Variants in HNRNPC observed in about 807,000 individuals in gnomAD.
HNRNPC encodes heterogeneous nuclear ribonucleoproteins C1/C2.
A neutral mutation model predicts 33.2 loss-of-function variants in HNRNPC; 3 were observed. That is an observed-to-expected ratio of 0.09 (90% confidence interval 0.04 to 0.23). The LOEUF (loss-of-function observed/expected upper bound fraction) is 0.23, where lower values mean the gene tolerates loss of function less well. Among genes scored for constraint, HNRNPC ranks in the 10% least tolerant of loss-of-function variants. The pLI is 1.00. For synonymous variants in HNRNPC, 121 were observed against 126.7 expected (o/e 0.96, Z 0.30); for missense variants, 143 against 366.7 (o/e 0.39, Z 4.98).
intron 2 of HNRNPC, among the ~76,000 whole-genome samples, chr14:21,258,304 C>G (rs1384106679): frequency 6.6e-6 from 1 of 151,804 alleles, no homozygotes; most frequent in Non-Finnish European, 1.5e-5. Flanking sequence ...GCACAAGAAT[C>G]GCTTGAACCC....
At position 21,230,989 on chromosome 14, in the gene HNRNPC, T is replaced by G; in HGVS notation, c.317+8A>C. 6.2e-7 allele frequency: 1 copy of G among 1,614,180 alleles called. No individual in the cohort carries two copies. Among genetic ancestry groups the G allele is most frequent in the South Asian group, 1.1e-5 (1 of 91,078 alleles). Reference sequence around the variant, plus strand: ...AGAGGGGACGGAGAAGGGTGTTCTGTTACTGACCCGTACATCTCCGCTGCA... The same window carrying G: ...AGAGGGGACGGAGAAGGGTGTTCTGGTACTGACCCGTACATCTCCGCTGCA... On this transcript the variant is annotated splice_region_variant and intron_variant, in intron 4 of 8. Transcript: ENST00000553300.
At chr14:21,253,430 G>A (rs1413290900) in intron 2 of HNRNPC, among the ~76,000 whole-genome samples, 4 of 119,914 alleles carry the variant, frequency 3.3e-5, no homozygotes, top group East Asian at 5.0e-4. Flanking sequence ...GAGAGATCAC[G>A]CCACTGCACT....
At chr14:21,237,664 G>A (rs1894856626) in intron 2 of HNRNPC, among the ~76,000 whole-genome samples, 1 of 152,212 alleles carries the variant, frequency 6.6e-6, no homozygotes, top group African/African-American at 2.4e-5. Flanking sequence ...GCAGACTGTT[G>A]TTAGAAATCC....
Position 21,211,247 on chromosome 14 carries a change from G to A in HNRNPC, c.858C>T (p.Ser286=). 2 of 1,614,014 alleles carry A rather than the reference G, an allele frequency of 1.2e-6. No individual in the cohort carries two copies. Among genetic ancestry groups the A allele is most frequent in the Non-Finnish European group, 1.7e-6 (2 of 1,179,960 alleles). Residue 286 remains serine (S), a synonymous_variant, in exon 9 of 9, where the codon AGC becomes AGT. Transcript: ENST00000553300. ...CTTAAGAGTCATCCTCGCCATTGGC[G>A]CTGTCTCTGTCATCCTCTCCTTCCT... ...EAEEGEDDRD[S]ANGEDDS is the part of the protein sequence containing the mutation.
intron 1 of HNRNPC, among the ~76,000 whole-genome samples, chr14:21,267,095 C>CAAAAAAAAAAAAAAAAAAA: frequency 9.6e-6 from 1 of 104,048 alleles, no homozygotes; most frequent in Non-Finnish European, 2.0e-5. Flanking sequence ...GACTCCGTCT[C>CAAAAAAAAAAAAAAAAAAA]AAAAAAAAAA....
At chr14:21,238,239 G>A (rs1894941455) in intron 2 of HNRNPC, among the ~76,000 whole-genome samples, 1 of 152,076 alleles carries the variant, frequency 6.6e-6, no homozygotes, top group South Asian at 2.1e-4. Flanking sequence ...CAACCCAATA[G>A]TAATAAATGT....
chr14:21,260,960 CAAA>C (rs71112564), intron 2 of HNRNPC, among the ~76,000 whole-genome samples: 8,370 of 88,362 alleles, frequency 0.095, 427 homozygotes, highest in Admixed American at 0.26. Flanking sequence ...GAGACTGTCT[CAAA>C]AAAAAAAAAA....
At chr14:21,230,443 T>C in intron 4 of HNRNPC, 77 bp from the exon 5 acceptor site, 3 of 1,021,768 alleles carry the variant, frequency 2.9e-6, no homozygotes, top group Admixed American at 1.9e-5. Flanking sequence ...GGGAGAACCA[T>C]GCCAAATAAA....
intron 2 of HNRNPC, among the ~76,000 whole-genome samples, chr14:21,256,632 G>A (rs1333266014): frequency 6.6e-6 from 1 of 151,990 alleles, no homozygotes; most frequent in East Asian, 1.9e-4. Context: ...GGTATATTTT[G>A]AAGAGCTGAC....
intron 2 of HNRNPC, among the ~76,000 whole-genome samples, chr14:21,246,507 A>G (rs1276248749): frequency 6.6e-6 from 1 of 151,296 alleles, no homozygotes; most frequent in Non-Finnish European, 1.5e-5. Context: ...CAGAGCTTGC[A>G]GTGAGCTGGA....
intron 2 of HNRNPC, among the ~76,000 whole-genome samples, chr14:21,248,952 G>A (rs193287809): frequency 6.6e-6 from 1 of 152,294 alleles, no homozygotes; most frequent in Admixed American, 6.5e-5. Flanking sequence ...TTTCAGTGCA[G>A]CAATCCAATG....
Position 21,249,758 on chromosome 14 carries a change from T to C in HNRNPC, c.-37+13553A>G, listed in dbSNP as rs917326808. The stretch of plus-strand genomic sequence containing the variant: ...ACATTTCATTGTGCCATCATTAAAG[T>C]GTTTCGGGGGTGTTACGACATAAAA... On this transcript the variant is annotated intron_variant, in intron 2 of 8. Transcript: ENST00000553300. Among the ~76,000 whole-genome samples the C allele has an allele frequency of 2.6e-5, 4 of 152,238 alleles. No individual in the cohort carries two copies. The East Asian group carries it at 7.7e-4, about 29-fold the overall frequency.
chr14:21,266,334 C>T (rs1001401149), intron 1 of HNRNPC, among the ~76,000 whole-genome samples: 1 of 151,874 alleles, frequency 6.6e-6, no homozygotes, highest in Non-Finnish European at 1.5e-5. Flanking sequence ...CTCCTGACCT[C>T]GTGATCCACC....
intron 2 of HNRNPC, among the ~76,000 whole-genome samples, chr14:21,254,810 G>A (rs936597396): frequency 9.9e-5 from 15 of 152,072 alleles, no homozygotes; most frequent in African/African-American, 3.4e-4. Flanking sequence ...GGAAGCTGAG[G>A]CAGGAGAATC....
At position 21,260,697 on chromosome 14, in the gene HNRNPC, G is replaced by A. The variant is rs150953634; in HGVS notation, c.-37+2614C>T. ...GAAAAATTTAAGGCCAGGTGCAGTG[G>A]CTCATGCCTGTAATTCCAGCACTTT... On this transcript the variant is annotated intron_variant, in intron 2 of 8. Transcript: ENST00000553300. Among the ~76,000 whole-genome samples, 1,346 of 152,124 alleles carry A rather than the reference G, an allele frequency of 8.8e-3. 25 individuals are homozygous for A. Among genetic ancestry groups the A allele is most frequent in the African/African-American group, 0.029 (1,211 of 41,482 alleles).
chr14:21,230,472 C>A, intron 4 of HNRNPC, 106 bp from the exon 5 acceptor site: 1 of 755,414 alleles, frequency 1.3e-6, no homozygotes, highest in South Asian at 1.5e-5. Context: ...AATAGATCAA[C>A]AAGATTAGCA....
intron 2 of HNRNPC, among the ~76,000 whole-genome samples, chr14:21,262,024 G>A (rs1405489476): frequency 6.6e-6 from 1 of 152,202 alleles, no homozygotes; most frequent in Non-Finnish European, 1.5e-5. Context: ...AGTCACCACT[G>A]TAAAAGGGGT....
intron 2 of HNRNPC, among the ~76,000 whole-genome samples, chr14:21,234,431 C>T (rs1178578044): frequency 1.3e-5 from 2 of 152,054 alleles, no homozygotes; most frequent in African/African-American, 4.8e-5. Context: ...TCAACTTCTT[C>T]CTCTTCCATT....
intron 2 of HNRNPC, among the ~76,000 whole-genome samples, chr14:21,243,458 A>G (rs1170206905): frequency 6.6e-6 from 1 of 152,214 alleles, no homozygotes; most frequent in Non-Finnish European, 1.5e-5. Flanking sequence ...AAGTTTTCTT[A>G]AGATGCTATA....
Sources: gnomAD v4.1 joint callset for allele counts (sites outside exome capture counted in the v4.1 genomes callset) on GRCh38, gnomAD v4.1.1 for gene constraint, MANE v1.5 for transcripts, NCBI Gene and HGNC (gene_info 2026-07-23, HGNC 2026-07-21) for gene names.